Variants in HDAC8 observed in about 807,000 individuals in gnomAD.
HDAC8 encodes histone deacetylase-like 1.
Under a neutral mutation model 32.2 loss-of-function variants are expected in HDAC8, and 1 was observed. The ratio of observed to expected loss-of-function variants is 0.03; its 90% CI spans 0.01 to 0.15. The LOEUF is 0.15. HDAC8 is among the 10% of genes least tolerant of loss of function. The pLI, the probability that HDAC8 is intolerant of heterozygous loss-of-function variation, is 1.00. For missense variants in HDAC8, 117 were observed against 300.0 expected, an observed-to-expected ratio of 0.39 and a Z score of 4.51; for synonymous variants, 108 against 113.9, an observed-to-expected ratio of 0.95 and a Z score of 0.33.
intron 9 of HDAC8, among the ~76,000 whole-genome samples, chrX:72,460,136 AT>A (rs1229018854): frequency 2.7e-5 from 3 of 109,333 alleles, no homozygotes; most frequent in Non-Finnish European, 5.7e-5. Context: ...GATAACTTGC[AT>A]TTTTTTTTCT....
At chrX:72,473,267 C>T (rs1219429649) in intron 7 of HDAC8, 3 of 111,870 alleles carry the variant, frequency 2.7e-5, no homozygotes, top group Non-Finnish European at 3.8e-5. Context: ...TCACTCACCT[C>T]GTATTTTCTT....
intron 9 of HDAC8, 136 bp downstream of exon 9, chrX:72,461,868 G>T: frequency 2.2e-6 from 1 of 449,803 alleles, no homozygotes. Flanking sequence ...CCACTATTCT[G>T]CCAAGACAGT....
intron 10 of HDAC8, among the ~76,000 whole-genome samples, chrX:72,345,189 C>A (rs2043993427): frequency 9.0e-6 from 1 of 111,558 alleles, no homozygotes; most frequent in Non-Finnish European, 1.9e-5. Flanking sequence ...TTGAGCTGGG[C>A]TTTAAAGTGG....
intron 9 of HDAC8, among the ~76,000 whole-genome samples, chrX:72,447,420 T>C (rs955403710): frequency 6.3e-5 from 7 of 111,907 alleles, no homozygotes; most frequent in Admixed American, 2.9e-4. Context: ...ATAAACTAGA[T>C]ATTGATGGAA....
At chrX:72,450,463 G>GT (rs2047541598) in intron 9 of HDAC8, among the ~76,000 whole-genome samples, 1 of 112,019 alleles carries the variant, frequency 8.9e-6, no homozygotes, top group African/African-American at 3.2e-5. Flanking sequence ...TCAATTTCCT[G>GT]GTTTTTTTAC....
intron 4 of HDAC8, among the ~76,000 whole-genome samples, chrX:72,530,671 TTCTGTCTG>T (rs782788913): frequency 9.0e-6 from 1 of 111,030 alleles, no homozygotes; most frequent in African/African-American, 3.3e-5. Flanking sequence ...AGTTAACTGA[TTCTGTCTG>T]TCTGTCTGTC....
chrX:72,379,009 C>A (rs1351068731), intron 9 of HDAC8, among the ~76,000 whole-genome samples: 1 of 110,399 alleles, frequency 9.1e-6, no homozygotes, highest in Admixed American at 9.7e-5. Flanking sequence ...AGGCACCCAC[C>A]ACCACGCCTG....
chrX:72,359,459 C>T (rs978295604), intron 9 of HDAC8, among the ~76,000 whole-genome samples: 17 of 110,185 alleles, frequency 1.5e-4, no homozygotes, highest in African/African-American at 5.6e-4. Context: ...GAGTGTGTGT[C>T]GGGGGATAGT....
At chrX:72,341,743 G>A (rs1211422787) in intron 10 of HDAC8, among the ~76,000 whole-genome samples, 5 of 111,175 alleles carry the variant, frequency 4.5e-5, no homozygotes, top group East Asian at 2.8e-4. Context: ...TGGGACTGCC[G>A]TCTCTCTGGT....
chrX:72,554,292 C>T (rs2051191482), intron 4 of HDAC8, among the ~76,000 whole-genome samples: 1 of 110,649 alleles, frequency 9.0e-6, no homozygotes, highest in African/African-American at 3.3e-5. Flanking sequence ...CTAAAACTAC[C>T]CCAGGAACAT....
chrX:72,524,478 C>T (rs2050076899), intron 4 of HDAC8, among the ~76,000 whole-genome samples: 1 of 111,908 alleles, frequency 8.9e-6, no homozygotes, highest in Non-Finnish European at 1.9e-5. Context: ...AATCTTAACA[C>T]AGGCTTTATG....
chrX:72,380,432 C>T (rs943094949), intron 9 of HDAC8, among the ~76,000 whole-genome samples: 16 of 112,105 alleles, frequency 1.4e-4, no homozygotes, highest in African/African-American at 4.5e-4. Flanking sequence ...CTCCAACATT[C>T]TAGTCCATAT....
intron 4 of HDAC8, among the ~76,000 whole-genome samples, chrX:72,537,123 T>A (rs1408390338): frequency 8.9e-6 from 1 of 112,284 alleles, no homozygotes; most frequent in East Asian, 2.8e-4. Flanking sequence ...GTACAAGGAC[T>A]AAAATCATAG....
At chrX:72,460,934 C>T (rs1168282613) in intron 9 of HDAC8, among the ~76,000 whole-genome samples, 1 of 112,088 alleles carries the variant, frequency 8.9e-6, no homozygotes. Flanking sequence ...CAAATTGTCT[C>T]AAATTATAGT....
intron 9 of HDAC8, among the ~76,000 whole-genome samples, chrX:72,444,830 C>T (rs1555983877): frequency 9.2e-6 from 1 of 108,405 alleles, no homozygotes; most frequent in East Asian, 2.9e-4. Flanking sequence ...TAAGCAACTT[C>T]AGCAAAGTCT....
At chrX:72,557,181 C>T (rs1233655145) in intron 4 of HDAC8, among the ~76,000 whole-genome samples, 3 of 111,251 alleles carry the variant, frequency 2.7e-5, no homozygotes, top group African/African-American at 3.3e-5. Context: ...CCAGCCTGGG[C>T]GACAGAGGGA....
At chrX:72,427,459 A>G (rs2046674724) in intron 9 of HDAC8, among the ~76,000 whole-genome samples, 1 of 110,486 alleles carries the variant, frequency 9.1e-6, no homozygotes, top group South Asian at 4.0e-4. Flanking sequence ...GACATGGATG[A>G]AGCTGGAAAC....
At chrX:72,346,895 A>G (rs3012658) in intron 10 of HDAC8, among the ~76,000 whole-genome samples, 23,156 of 110,916 alleles carry the variant, frequency 0.21, 2,982 homozygotes, top group South Asian at 0.56. Flanking sequence ...CACATGGAAG[A>G]AGCTGGGCAT....
Position 72,353,690 on chromosome X carries a change from C to T in HDAC8, c.1006-1852G>A, listed in dbSNP as rs150067711. Among the ~76,000 whole-genome samples the T allele has an allele frequency of 2.8e-3, 314 of 111,793 alleles. 4 individuals are homozygous for T. The highest frequency in any genetic ancestry group is 3.1e-3 in the Admixed American group (33 of 10,546). ...ACAGGTGTGACACTCTCTCCTTAGG[C>T]AGCCTCTTCCCCAGAGTGTGTCAAG... On this transcript the variant is annotated intron_variant, in intron 9 of 10. Transcript: ENST00000373573.
Sources: gnomAD v4.1 joint callset for allele counts (sites outside exome capture counted in the v4.1 genomes callset) on GRCh38, gnomAD v4.1.1 for gene constraint, MANE v1.5 for transcripts, NCBI Gene and HGNC (gene_info 2026-07-23, HGNC 2026-07-21) for gene names.